Variants in OPCML observed in about 807,000 individuals in gnomAD.
The protein encoded by OPCML is opioid-binding protein/cell adhesion molecule.
In OPCML, 13 loss-of-function variants were observed where a neutral mutation model predicts 37.8. The ratio of observed to expected loss-of-function variants is 0.34; its 90% CI spans 0.22 to 0.55. The LOEUF (loss-of-function observed/expected upper bound fraction) is 0.55, where lower values mean the gene tolerates loss of function less well. Ranked by LOEUF, OPCML falls within the 20% of genes least tolerant of loss-of-function variation. The pLI is 0.91. For missense variants in OPCML, 341 were observed against 435.6 expected (o/e 0.78, Z 1.93); for synonymous variants, 176 against 168.8 (o/e 1.04, Z -0.33).
intron 1 of OPCML, among the ~76,000 whole-genome samples, chr11:133,257,364 G>T (rs747047220): frequency 6.6e-6 from 1 of 152,178 alleles, no homozygotes; most frequent in Non-Finnish European, 1.5e-5. Flanking sequence ...AGCCCTGTGG[G>T]ATGATTCTCA....
chr11:133,199,117 G>A (rs986356465), intron 1 of OPCML, among the ~76,000 whole-genome samples: 8 of 152,100 alleles, frequency 5.3e-5, no homozygotes, highest in Non-Finnish European at 1.2e-4. Context: ...GGGGGCTCTA[G>A]TTCACACAGA....
chr11:132,828,670 C>T (rs1940510204), intron 2 of OPCML, among the ~76,000 whole-genome samples: 1 of 152,148 alleles, frequency 6.6e-6, no homozygotes, highest in South Asian at 2.1e-4. Flanking sequence ...TTTCTTTCCT[C>T]ATGTCATAGG....
chr11:133,313,816 G>T (rs1176178973), intron 1 of OPCML, among the ~76,000 whole-genome samples: 2 of 152,198 alleles, frequency 1.3e-5, no homozygotes, highest in African/African-American at 4.8e-5. Context: ...AACTGTAAGA[G>T]AAAACATTTA....
chr11:133,476,773 G>A (rs1947249544), intron 1 of OPCML, among the ~76,000 whole-genome samples: 1 of 152,150 alleles, frequency 6.6e-6, no homozygotes, highest in African/African-American at 2.4e-5. Flanking sequence ...CACCCCGGAG[G>A]GCCGGTAGTT....
intron 2 of OPCML, among the ~76,000 whole-genome samples, chr11:132,771,154 G>A (rs1946622493): frequency 1.3e-5 from 2 of 152,170 alleles, no homozygotes; most frequent in South Asian, 2.1e-4. Context: ...TGTTCACATG[G>A]AAAAATAGGT....
rs1941068501 is a variant in OPCML at position 133,249,891 on chromosome 11, GC to G, written c.61+282372del. ...TTGTCAGAAGCACGATGAAAAAAAG[GC>G]ATAGAAATGGACGATGGGAGAAGCT... On this transcript the variant is annotated intron_variant, in intron 1 of 7. Coordinates refer to ENST00000524381, the MANE Select transcript of OPCML (RefSeq NM_001012393.5). 4.6e-5 allele frequency among the ~76,000 whole-genome samples: 7 copies of G among 152,302 alleles called. No individual in the cohort carries two copies. The South Asian group carries it at 1.2e-3, about 27-fold the overall frequency.
chr11:133,461,140 G>A (rs1267428049), intron 1 of OPCML, among the ~76,000 whole-genome samples: 5 of 151,888 alleles, frequency 3.3e-5, no homozygotes, highest in African/African-American at 1.2e-4. Flanking sequence ...GTGAAAAACT[G>A]AACTTCTTTT....
At chr11:132,583,857 G>A (rs1004417097) in intron 3 of OPCML, among the ~76,000 whole-genome samples, 5 of 151,284 alleles carry the variant, frequency 3.3e-5, no homozygotes, top group East Asian at 4.0e-4. Context: ...CAGGTGATCC[G>A]CTCACCTCGG....
chr11:132,811,057 G>C (rs994428678), intron 2 of OPCML, among the ~76,000 whole-genome samples: 9 of 152,118 alleles, frequency 5.9e-5, no homozygotes, highest in African/African-American at 1.9e-4. Context: ...AATTTCATAA[G>C]CAACATCTGG....
intron 1 of OPCML, among the ~76,000 whole-genome samples, chr11:133,249,346 GGTGAGAACTAAAAGA>G (rs1205590344): frequency 5.3e-5 from 8 of 152,180 alleles, no homozygotes; most frequent in African/African-American, 1.9e-4. Context: ...GATCAGTTCT[GGTGAGAACTAAAAGA>G]GTGAGAACTC....
intron 1 of OPCML, among the ~76,000 whole-genome samples, chr11:133,440,828 AT>A (rs1352310321): frequency 1.4e-5 from 2 of 146,452 alleles, no homozygotes; most frequent in African/African-American, 5.1e-5. Context: ...ATATATATAT[AT>A]AAATCATATA....
intron 1 of OPCML, among the ~76,000 whole-genome samples, chr11:133,450,649 C>T (rs530500452): frequency 6.6e-6 from 1 of 151,632 alleles, no homozygotes; most frequent in African/African-American, 2.4e-5. Context: ...TGAAGACTAG[C>T]CTGGGTAGGT....
intron 1 of OPCML, among the ~76,000 whole-genome samples, chr11:133,090,348 G>GA (rs1948886913): frequency 6.6e-6 from 1 of 152,022 alleles, no homozygotes; most frequent in African/African-American, 2.4e-5. Context: ...TGCATGCTAG[G>GA]AAAAAACCCT....
At chr11:132,537,214 A>G (rs544220501) in intron 3 of OPCML, among the ~76,000 whole-genome samples, 1 of 152,346 alleles carries the variant, frequency 6.6e-6, no homozygotes, top group Non-Finnish European at 1.5e-5. Context: ...AATATGCACA[A>G]TTAAAAATCA....
At chr11:132,930,982 A>G (rs1591817184) in intron 2 of OPCML, among the ~76,000 whole-genome samples, 1 of 152,200 alleles carries the variant, frequency 6.6e-6, no homozygotes, top group Admixed American at 6.5e-5. Flanking sequence ...GACCAATGGA[A>G]TGAAATACAG....
intron 2 of OPCML, among the ~76,000 whole-genome samples, chr11:132,759,143 A>T (rs1946170387): frequency 6.6e-6 from 1 of 152,208 alleles, no homozygotes; most frequent in African/African-American, 2.4e-5. Context: ...CATACCAGGG[A>T]TGAAACCGAC....
intron 1 of OPCML, among the ~76,000 whole-genome samples, chr11:133,145,476 T>C (rs1386105493): frequency 2.0e-5 from 3 of 152,084 alleles, no homozygotes; most frequent in Non-Finnish European, 4.4e-5. Context: ...GAGTAGCAGT[T>C]GAGAAAAAGT....
At chr11:132,503,265 T>C (rs1045323204) in intron 4 of OPCML, among the ~76,000 whole-genome samples, 2 of 152,180 alleles carry the variant, frequency 1.3e-5, no homozygotes, top group African/African-American at 4.8e-5. Flanking sequence ...GGAAAATTGC[T>C]ACCCTATCTC....
chr11:133,054,013 T>A (rs1948177766), intron 1 of OPCML, among the ~76,000 whole-genome samples: 1 of 152,250 alleles, frequency 6.6e-6, no homozygotes, highest in African/African-American at 2.4e-5. Flanking sequence ...TTGCCATTCT[T>A]ACTTTCTCAG....
Sources: allele counts gnomAD v4.1 joint callset (sites outside exome capture counted in the v4.1 genomes callset), GRCh38; gene constraint gnomAD v4.1.1; transcripts MANE v1.5; gene names NCBI Gene and HGNC (gene_info 2026-07-23, HGNC 2026-07-21).